The following SLC5A11 variants were observed in gnomAD, a reference collection of about 807,000 sequenced individuals.
SLC5A11 encodes sodium/myo-inositol cotransporter 2.
Under a neutral mutation model 69.8 loss-of-function variants are expected in SLC5A11, and 48 were observed. The observed-to-expected ratio is 0.69, with a 90% CI of 0.55 to 0.87. The LOEUF (loss-of-function observed/expected upper bound fraction) is 0.87. Among genes scored for constraint, SLC5A11 ranks in the 40% least tolerant of loss-of-function variants. SLC5A11 has a pLI of 0.00. For synonymous variants in SLC5A11, 319 were observed against 342.4 expected (o/e 0.93, Z 0.75); for missense variants, 784 against 866.1 (o/e 0.91, Z 1.19).
chr16:24,854,540 C>T (rs1432148707), intron 1 of SLC5A11, among the ~76,000 whole-genome samples: 1 of 152,036 alleles, frequency 6.6e-6, no homozygotes, highest in Non-Finnish European at 1.5e-5. Context: ...AGCGATCTTT[C>T]TGCCTTAGCC....
At chr16:24,874,838 C>G (rs2047563901) in intron 5 of SLC5A11, among the ~76,000 whole-genome samples, 1 of 152,090 alleles carries the variant, frequency 6.6e-6, no homozygotes, top group South Asian at 2.1e-4. Context: ...CACCTCACCT[C>G]CCAAAGTGTT....
chr16:24,906,547 C>T, intron 10 of SLC5A11, 110 bp from the exon 12 acceptor site: 2 of 561,214 alleles, frequency 3.6e-6, no homozygotes, highest in African/African-American at 1.9e-5. Context: ...TTTTTTATTT[C>T]ATTGAGCTAT....
chr16:24,876,403 G>C (rs954179991), intron 6 of SLC5A11, among the ~76,000 whole-genome samples: 5 of 152,070 alleles, frequency 3.3e-5, no homozygotes, highest in Admixed American at 1.3e-4. Flanking sequence ...CTGTTTATCC[G>C]ATGTGCTGTT....
At position 24,897,965 on chromosome 16, in the gene SLC5A11, C is replaced by A; in HGVS notation, c.871-9C>A. The stretch of plus-strand genomic sequence containing the variant: ...ATTCCCAGTTTCCAACCCCCTTGAT[C>A]TTTTCCAGGTGATTGTCCAGCGGAC... On this transcript the variant is annotated splice_polypyrimidine_tract_variant and intron_variant, in intron 9 of 15. Transcript: ENST00000347898. The A allele has an allele frequency of 1.2e-6, 2 of 1,613,644 alleles. No individual in the cohort carries two copies. The highest frequency in any genetic ancestry group is 2.2e-5 in the East Asian group (1 of 44,874).
At chr16:24,891,158 C>G in intron 9 of SLC5A11, 84 bp downstream of exon 10, 4 of 1,348,226 alleles carry the variant, frequency 3.0e-6, no homozygotes, top group Non-Finnish European at 4.2e-6. Flanking sequence ...TTTTCTTCCT[C>G]CATCTCTTCT....
chr16:24,896,942 CTTT>C lies in SLC5A11; in HGVS notation c.871-1006_871-1004del, dbSNP rs869210839. On this transcript the variant is annotated intron_variant, in intron 9 of 15. Coordinates refer to ENST00000347898, the Ensembl canonical transcript of SLC5A11. The stretch of plus-strand genomic sequence containing the variant: ...CACCAGGAGTTAGACAACCTCCTTC[CTTT>C]TTTTTTTTTTTTTTTTTTTTTTTTT... Among the ~76,000 whole-genome samples, 279 of 97,094 alleles carry C rather than the reference CTTT, an allele frequency of 2.9e-3. 20 individuals are homozygous for C. The highest frequency in any genetic ancestry group is 0.013 in the East Asian group (44 of 3,274). The allele number at this position is 97,094 out of a possible 152,430, so 63.7% of individuals were successfully genotyped here. A position where few individuals can be genotyped will look rare whatever the true frequency, so the allele number is the denominator to read the frequency against.
intron 3 of SLC5A11, among the ~76,000 whole-genome samples, chr16:24,865,317 T>G (rs1315577820): frequency 6.6e-6 from 1 of 152,170 alleles, no homozygotes; most frequent in Non-Finnish European, 1.5e-5. Context: ...TCCCAGCACT[T>G]TGGGAGGCCA....
intron 15 of SLC5A11, 129 bp downstream of exon 16, chr16:24,910,606 C>T: frequency 9.5e-7 from 1 of 1,054,148 alleles, no homozygotes; most frequent in Non-Finnish European, 1.3e-6. Context: ...CCTCTGGCTC[C>T]AGTGTCTGAT....
intron 1 of SLC5A11, among the ~76,000 whole-genome samples, chr16:24,857,838 A>G (rs2059600488): frequency 6.6e-6 from 1 of 152,208 alleles, no homozygotes; most frequent in Non-Finnish European, 1.5e-5. Flanking sequence ...CAACATATTC[A>G]CAGGTTCTGG....
intron 1 of SLC5A11, among the ~76,000 whole-genome samples, chr16:24,855,464 A>C (rs910510237): frequency 1.3e-5 from 2 of 150,664 alleles, no homozygotes; most frequent in African/African-American, 2.5e-5. Flanking sequence ...TTAGCCAGGC[A>C]TGGTGGTGCA....
At chr16:24,888,783 CTTTTTTTTTTTTTTTT>C (rs1169015317) in intron 8 of SLC5A11, among the ~76,000 whole-genome samples, 4 of 45,740 alleles carry the variant, frequency 8.7e-5, no homozygotes, top group South Asian at 6.6e-4. Context: ...CGTGCCTGTC[CTTTTTTTTTTTTTTTT>C]TTTTTTTTTT....
intron 10 of SLC5A11, among the ~76,000 whole-genome samples, chr16:24,900,538 G>C (rs950490001): frequency 3.3e-5 from 5 of 152,178 alleles, no homozygotes; most frequent in Non-Finnish European, 5.9e-5. Context: ...AAGATCCAGA[G>C]GGAGTTAAGA....
chr16:24,862,674 T>G lies in SLC5A11; in HGVS notation c.207+2T>G. 6.2e-7 allele frequency: 1 copy of G among 1,613,242 alleles called. No homozygotes were observed. On this transcript the variant is annotated splice_donor_variant, in intron 3 of 15. Transcript: ENST00000347898. LOFTEE classifies it high-confidence loss of function. ...GGAGGGGACATGGTGTGGTGGCCAG[T>G]AAGTGGTCTTTGGTTCAATTAAAGT...
intron 2 of SLC5A11, among the ~76,000 whole-genome samples, chr16:24,861,831 A>G (rs1159133067): frequency 6.6e-6 from 1 of 152,144 alleles, no homozygotes; most frequent in East Asian, 1.9e-4. Flanking sequence ...AAAATTAATC[A>G]CCAATGTGAT....
chr16:24,884,400 T>A (rs2547042), intron 8 of SLC5A11, among the ~76,000 whole-genome samples: 151,741 of 152,222 alleles, frequency 1, 75,649 homozygotes, highest in Middle Eastern at 1. Context: ...CTGTGATGAT[T>A]GCTCACTGCA....
chr16:24,873,253 GGAAGGA>G (rs1567612908), intron 5 of SLC5A11, among the ~76,000 whole-genome samples: 7 of 116,662 alleles, frequency 6.0e-5, no homozygotes, highest in African/African-American at 1.1e-4. Context: ...GAGGGAGGAA[GGAAGGA>G]AGGAAGGAAG....
chr16:24,905,638 G>GTACA (rs1555534419), intron 10 of SLC5A11, among the ~76,000 whole-genome samples: 1 of 70,228 alleles, frequency 1.4e-5, no homozygotes, highest in Admixed American at 1.5e-4. Flanking sequence ...ACGCGCGCGC[G>GTACA]CGCACACACA....
At chr16:24,851,217 A>G (rs1284456580) in intron 1 of SLC5A11, among the ~76,000 whole-genome samples, 1 of 151,838 alleles carries the variant, frequency 6.6e-6, no homozygotes, top group Non-Finnish European at 1.5e-5. Flanking sequence ...TGCAGTCTCA[A>G]ACTCCTGGGC....
chr16:24,910,533 A>AT (rs201159355), intron 15 of SLC5A11, 56 bp downstream of exon 16: 101,720 of 1,259,356 alleles, frequency 0.081, 1,261 homozygotes, highest in African/African-American at 0.25. Flanking sequence ...AAAGGGATTG[A>AT]TTTTTTTTTT....
Sources: gnomAD v4.1 joint callset for allele counts (sites outside exome capture counted in the v4.1 genomes callset) on GRCh38, gnomAD v4.1.1 for gene constraint, MANE v1.5 for transcripts, NCBI Gene and HGNC (gene_info 2026-07-23, HGNC 2026-07-21) for gene names.